C6: variants seen among roughly 807,000 people sequenced by gnomAD.
C6 encodes complement component C6.
Under a neutral mutation model 112.9 loss-of-function variants are expected in C6, and 101 were observed. The observed-to-expected ratio is 0.89, with a 90% CI of 0.76 to 1.06. The LOEUF is 1.06. C6 is among the 50% of genes least tolerant of loss of function. C6 has a pLI of 0.00. For synonymous variants in C6, 431 were observed against 384.1 expected, an observed-to-expected ratio of 1.12 and a Z score of -1.43; for missense variants, 1,202 against 1,104.6, an observed-to-expected ratio of 1.09 and a Z score of -1.25.
rs199976299 is a variant in C6 at position 41,172,340 on chromosome 5, G to T, written c.1176C>A (p.Thr392=). The T allele has an allele frequency of 3.1e-6, 5 of 1,613,370 alleles. No individual in the cohort carries two copies. Among genetic ancestry groups the T allele is most frequent in the Non-Finnish European group, 4.2e-6 (5 of 1,179,668 alleles). ...SSEELKNSGL[T]EEEAKHCVRI... ...TGACACAGTGTTTGGCTTCTTCCTC[G>T]GTTAAACCTAGGAGATGAAGTACAA... is the stretch of plus-strand genomic sequence containing the variant. Residue 392 remains threonine, a synonymous_variant, in exon 9 of 18, where the codon ACC becomes ACA. Coordinates refer to ENST00000337836, the MANE Select transcript of C6 (RefSeq NM_000065.5).
rs58119503 is a variant in C6 at position 41,166,080 on chromosome 5, G to A, written c.1292-4221C>T. On this transcript the variant is annotated intron_variant, in intron 9 of 17. Coordinates refer to ENST00000337836, the MANE Select transcript of C6 (RefSeq NM_000065.5). ...TATCAGCTTCTTAAAAAACTACAAT[G>A]TTCTTTATAATTTTAAAAGCTGAGA... Among the ~76,000 whole-genome samples the A allele has an allele frequency of 6.4e-3, 967 of 152,106 alleles. 10 individuals carry two copies. The highest frequency in any genetic ancestry group is 0.022 in the African/African-American group (910 of 41,536).
intron 7 of C6, among the ~76,000 whole-genome samples, chr5:41,180,272 C>T (rs1449597386): frequency 1.3e-5 from 2 of 152,132 alleles, no homozygotes; most frequent in African/African-American, 4.8e-5. Flanking sequence ...CCTCTATTTC[C>T]TCCCTCTCTA....
At chr5:41,180,799 G>A (rs1580128199) in intron 7 of C6, among the ~76,000 whole-genome samples, 1 of 147,202 alleles carries the variant, frequency 6.8e-6, no homozygotes, top group East Asian at 2.0e-4. Context: ...AAGATTTAGA[G>A]AATATACCTT....
chr5:41,150,900 A>T (rs76855072), intron 15 of C6, among the ~76,000 whole-genome samples: 2 of 145,586 alleles, frequency 1.4e-5, no homozygotes, highest in African/African-American at 5.0e-5. Flanking sequence ...AAAAAAAAAA[A>T]GGCAGGCAGC....
At position 41,155,015 on chromosome 5, in the gene C6, G is replaced by A; in HGVS notation, c.2058C>T (p.Cys686=). ...FETVGYQYFR[C]LPDGTWRQGD... is the part of the protein sequence containing the mutation. Reference sequence around the variant, plus strand: ...CTTGTCTCCAGGTCCCGTCTGGTAAGCATCTGAAGTACTGGTATCCAACAG... The same window carrying A: ...CTTGTCTCCAGGTCCCGTCTGGTAAACATCTGAAGTACTGGTATCCAACAG... The change falls in exon 14 of 18, where the codon TGC becomes TGT. Residue 686 remains cysteine, a synonymous_variant. Transcript: ENST00000337836. The A allele has an allele frequency of 1.2e-6, 2 of 1,613,726 alleles. No individual in the cohort carries two copies. The highest frequency in any genetic ancestry group is 8.5e-7 in the Non-Finnish European group (1 of 1,179,694).
intron 17 of C6, among the ~76,000 whole-genome samples, chr5:41,143,676 T>C (rs919489677): frequency 3.3e-5 from 5 of 152,160 alleles, no homozygotes; most frequent in Admixed American, 2.6e-4. Context: ...AATTAGTAAA[T>C]GGTAGAAGCA....
chr5:41,181,524 G>A lies in C6; in HGVS notation c.762C>T (p.Phe254=). Residue 254 remains phenylalanine, a synonymous_variant, in exon 7 of 18, where the codon TTC becomes TTT. Transcript: ENST00000337836. ...GTCCAAGAGAAGTTAAATCCTTGTA[G>A]AAATCTGTTTTCAAGTCATCTTCTG... ...QTAEDDLKTD[F]YKDLTSLGHN... is the part of the protein sequence containing the mutation. 2 of 1,613,546 alleles carry A rather than the reference G, an allele frequency of 1.2e-6. No homozygotes were observed. Among genetic ancestry groups the A allele is most frequent in the Non-Finnish European group, 1.7e-6 (2 of 1,179,726 alleles).
At chr5:41,188,930 C>A (rs562475756) in intron 5 of C6, among the ~76,000 whole-genome samples, 8 of 151,936 alleles carry the variant, frequency 5.3e-5, no homozygotes, top group South Asian at 4.2e-4. Context: ...AATAAAAAAA[C>A]CAAATTACTC....
chr5:41,240,718 C>G lies in C6; in HGVS notation c.-21+20476G>C, dbSNP rs530918770. ...TGCTTGAGTGCCAGCTGCAGGTTTT[C>G]TGGGCTTGTGGTTGGGGCCTCTGGT... On this transcript the variant is annotated intron_variant, in intron 1 of 17. Coordinates refer to the C6 transcript ENST00000263413. Among the ~76,000 whole-genome samples the G allele has an allele frequency of 2.0e-5, 3 of 152,198 alleles. No homozygotes were observed. The East Asian group carries it at 5.9e-4, about 30-fold the overall frequency.
chr5:41,178,226 G>A (rs966915021), intron 7 of C6, among the ~76,000 whole-genome samples: 3 of 151,984 alleles, frequency 2.0e-5, no homozygotes, highest in African/African-American at 7.3e-5. Flanking sequence ...TATTATTGTG[G>A]TTTCCATTTT....
At chr5:41,148,136 G>A (rs971759210) in intron 17 of C6, among the ~76,000 whole-genome samples, 6 of 152,142 alleles carry the variant, frequency 3.9e-5, no homozygotes, top group Admixed American at 1.3e-4. Context: ...TTAGCTCACA[G>A]ATTTATTTGT....
chr5:41,176,536 G>A lies in C6; in HGVS notation c.1107C>T (p.Gly369=), dbSNP rs1173552362. 1 of 1,613,856 alleles carries A rather than the reference G, an allele frequency of 6.2e-7. No homozygotes were observed. Among genetic ancestry groups the A allele is most frequent in the Admixed American group, 1.7e-5 (1 of 60,008 alleles). Residue 369 remains glycine, a synonymous_variant, in exon 8 of 18, where the codon GGC becomes GGT. Transcript: ENST00000337836. ...GAAGGTCATACACGCCTCCCAGGGA[G>A]CCAGAGGTGAAGTAATGAGTCCCAA... ...DDFGTHYFTS[G]SLGGVYDLLY... is the part of the protein sequence containing the mutation.
At chr5:41,257,992 A>G (rs549556214) in intron 1 of C6, among the ~76,000 whole-genome samples, 1 of 152,306 alleles carries the variant, frequency 6.6e-6, no homozygotes, top group East Asian at 1.9e-4. Flanking sequence ...ATCTTTTTAC[A>G]TAATTAACTC....
intron 6 of C6, among the ~76,000 whole-genome samples, chr5:41,184,178 A>C (rs1342202052): frequency 6.6e-6 from 1 of 152,190 alleles, no homozygotes; most frequent in Non-Finnish European, 1.5e-5. Context: ...GGATTCCAAA[A>C]TTCCTGAAAA....
rs770777597 is a variant in C6, at chr5:41,153,795, T to C, written c.2290+15A>G. 4 of 1,601,126 alleles carry C rather than the reference T, an allele frequency of 2.5e-6. No homozygotes were observed. The highest frequency in any genetic ancestry group is 3.4e-6 in the Non-Finnish European group (4 of 1,169,622). ...ACCACCTTATCAGACCCCAGAACAC[T>C]GAGCTGCTACTCACCTTTTTCACAG... On this transcript the variant is annotated intron_variant, in intron 15 of 17. Coordinates refer to ENST00000337836, the MANE Select transcript of C6 (RefSeq NM_000065.5).
intron 8 of C6, among the ~76,000 whole-genome samples, chr5:41,174,199 T>C (rs1444888030): frequency 6.6e-6 from 1 of 152,194 alleles, no homozygotes; most frequent in African/African-American, 2.4e-5. Context: ...ATATCTGGAC[T>C]TTATCAATGA....
At chr5:41,169,288 T>A (rs1283141489) in intron 9 of C6, among the ~76,000 whole-genome samples, 1 of 152,060 alleles carries the variant, frequency 6.6e-6, no homozygotes, top group African/African-American at 2.4e-5. Context: ...CATATGCATA[T>A]GCATGTGCAT....
chr5:41,149,921 AG>A lies in C6; in HGVS notation c.2381+13del. ...TTCCCAATTTCCAGACACAGTCTGTAGGGTATCTCTTACCTACAGTCTTCTT... is the reference window on the plus strand; with the variant it reads ...TTCCCAATTTCCAGACACAGTCTGTAGGTATCTCTTACCTACAGTCTTCTT... On this transcript the variant is annotated intron_variant, in intron 16 of 17. Coordinates refer to ENST00000337836, the MANE Select transcript of C6 (RefSeq NM_000065.5). 1 of 1,564,778 alleles carries A rather than the reference AG, an allele frequency of 6.4e-7. No individual in the cohort carries two copies. Among genetic ancestry groups the A allele is most frequent in the Non-Finnish European group, 8.8e-7 (1 of 1,135,146 alleles).
At chr5:41,193,452 T>C (rs976705207) in intron 5 of C6, among the ~76,000 whole-genome samples, 11 of 152,208 alleles carry the variant, frequency 7.2e-5, no homozygotes, top group East Asian at 3.8e-4. Flanking sequence ...TGATCTAATC[T>C]GATTTATGTG....
Sources: allele counts gnomAD v4.1 joint callset (sites outside exome capture counted in the v4.1 genomes callset), GRCh38; gene constraint gnomAD v4.1.1; transcripts MANE v1.5; gene names NCBI Gene and HGNC (gene_info 2026-07-23, HGNC 2026-07-21).